CCNF: variants seen among roughly 807,000 people sequenced by gnomAD.
CCNF encodes the protein cyclin-F.
In CCNF, 30 loss-of-function variants were observed where a neutral mutation model predicts 85.4. The ratio of observed to expected loss-of-function variants is 0.35; its 90% CI spans 0.26 to 0.48. The LOEUF (loss-of-function observed/expected upper bound fraction) is 0.48, where lower values mean the gene tolerates loss of function less well. CCNF is among the 20% of genes least tolerant of loss of function. CCNF has a pLI of 0.99. For synonymous variants in CCNF, 439 were observed against 425.1 expected (o/e 1.03, Z -0.40); for missense variants, 919 against 1,010.4 (o/e 0.91, Z 1.23).
chr16:2,449,807 CT>C lies in CCNF; in HGVS notation c.1400-20del, dbSNP rs2065384249. On this transcript the variant is annotated intron_variant, in intron 12 of 16. Coordinates refer to ENST00000397066, the MANE Select transcript of CCNF (RefSeq NM_001761.3). The stretch of plus-strand genomic sequence containing the variant: ...TCCGTCCCCTCCATCCCCTCCACCC[CT>C]GGCCTGCTTTCCTCCCCAGCACAGC... 1 of 1,562,386 alleles carries C rather than the reference CT, an allele frequency of 6.4e-7. No individual in the cohort carries two copies. The highest frequency in any genetic ancestry group is 8.8e-7 in the Non-Finnish European group (1 of 1,133,804).
intron 2 of CCNF, among the ~76,000 whole-genome samples, chr16:2,431,667 G>A (rs544808102): frequency 4.6e-4 from 55 of 120,496 alleles, no homozygotes; most frequent in Middle Eastern, 4.7e-3. Context: ...GCGACAGAGC[G>A]AGACTCTGTC....
intron 3 of CCNF, 110 bp from the exon 4 acceptor site, chr16:2,435,695 AT>A (rs2065287245): frequency 2.5e-6 from 1 of 402,786 alleles, no homozygotes; most frequent in Non-Finnish European, 4.6e-6. Context: ...ATATATATAT[AT>A]ATATATATTC....
In CCNF at chr16:2,449,529, G is replaced by A. The variant is rs1009461946; in HGVS notation, c.1399+67G>A. 1.6e-5 allele frequency: 23 copies of A among 1,480,686 alleles called. No individual in the cohort carries two copies. In the Admixed American group the frequency reaches 4.4e-4, roughly 28 times the overall value. 91.7% of individuals were successfully genotyped at this position (1,480,686 alleles called of 1,614,324 possible). ...GTGCTGACATAGGAGGAGGCTGTGG[G>A]GAGGAAAAGAGTCCAGCATCCATTT... On this transcript the variant is annotated intron_variant, in intron 12 of 16. Coordinates refer to ENST00000397066, the MANE Select transcript of CCNF (RefSeq NM_001761.3).
intron 10 of CCNF, among the ~76,000 whole-genome samples, chr16:2,448,620 C>A (rs1354359764): frequency 6.6e-6 from 1 of 152,084 alleles, no homozygotes; most frequent in Non-Finnish European, 1.5e-5. Flanking sequence ...TGCTTTGTTG[C>A]CCAGGGTGGT....
chr16:2,437,903 T>A (rs1383819669), intron 5 of CCNF, 167 bp from the exon 6 acceptor site: 635 of 409,618 alleles, frequency 1.6e-3, no homozygotes, highest in East Asian at 1.7e-3. Flanking sequence ...TGTTTCCCTT[T>A]AAAAAAAAAA....
At chr16:2,434,890 G>T (rs2065280035) in intron 3 of CCNF, among the ~76,000 whole-genome samples, 1 of 152,182 alleles carries the variant, frequency 6.6e-6, no homozygotes, top group East Asian at 1.9e-4. Context: ...TTCTTTCACG[G>T]ACCCTGATGT....
chr16:2,447,878 G>T (rs2065370733), intron 10 of CCNF, among the ~76,000 whole-genome samples: 1 of 152,104 alleles, frequency 6.6e-6, no homozygotes, highest in Non-Finnish European at 1.5e-5. Context: ...TGTCTTTTTG[G>T]CGTCTGCAGC....
rs750205581 is a variant in CCNF, at chr16:2,451,177, CAG to C, written c.1487+1267_1487+1268del. 2.0e-5 allele frequency among the ~76,000 whole-genome samples: 3 copies of C among 152,326 alleles called. No individual in the cohort carries two copies. Among genetic ancestry groups the C allele is most frequent in the South Asian group, 2.1e-4 (1 of 4,830 alleles). ...CCAGGCGCTGGGGGAGAGGGCAGGA[CAG>C]AGAGTTCAGAGGTCAGGTCGTGACG... is the stretch of plus-strand genomic sequence containing the variant. On this transcript the variant is annotated intron_variant, in intron 13 of 16. Transcript: ENST00000397066. This position sits in a 1 kb window ranked among gnomAD's most constrained non-coding sequence, Gnocchi z 4.3.
chr16:2,455,829 G>A (rs1043588153), intron 16 of CCNF, among the ~76,000 whole-genome samples: 1 of 152,204 alleles, frequency 6.6e-6, no homozygotes, highest in Non-Finnish European at 1.5e-5. Flanking sequence ...CTCATTCCGT[G>A]TTGGGAGGAC....
At chr16:2,449,042 G>GCGCC in intron 11 of CCNF, 64 bp downstream of exon 11, 3 of 683,594 alleles carry the variant, frequency 4.4e-6, no homozygotes, top group Non-Finnish European at 8.2e-6. Context: ...GTGGGGGTGG[G>GCGCC]CATTCAGCTT....
Position 2,456,043 on chromosome 16 carries a change from C to T in CCNF, c.1885+479C>T, listed in dbSNP as rs1449888487. 6.6e-6 allele frequency among the ~76,000 whole-genome samples: 1 copy of T among 152,170 alleles called. No individual in the cohort carries two copies. The highest frequency in any genetic ancestry group is 2.4e-5 in the African/African-American group (1 of 41,440). On this transcript the variant is annotated intron_variant, in intron 16 of 16. Coordinates refer to ENST00000397066, the MANE Select transcript of CCNF (RefSeq NM_001761.3). The surrounding 1 kb of genome is among the most constrained non-coding windows in gnomAD (Gnocchi z 4.5). Reference sequence around the variant, plus strand: ...GGGCATCGTGGCGTGCGCCTGTGGTCCCAGCTACTCAGGAGGCTGAGGTGG... The same window carrying T: ...GGGCATCGTGGCGTGCGCCTGTGGTTCCAGCTACTCAGGAGGCTGAGGTGG...
chr16:2,455,299 G>C, intron 15 of CCNF, 96 bp from the exon 16 acceptor site: 7 of 1,422,810 alleles, frequency 4.9e-6, no homozygotes, highest in Admixed American at 2.6e-5. Flanking sequence ...GTGGTGACAG[G>C]CTGGGGCACG....
chr16:2,443,527 GT>G, intron 8 of CCNF, 121 bp from the exon 9 acceptor site: 1 of 869,368 alleles, frequency 1.2e-6, no homozygotes, highest in South Asian at 1.7e-5. Context: ...GCTTGTGAAG[GT>G]TTAAGTTAAG....
At chr16:2,449,143 C>T (rs1351957217) in intron 11 of CCNF, 139 bp from the exon 12 acceptor site, 5 of 1,411,046 alleles carry the variant, frequency 3.5e-6, no homozygotes, top group South Asian at 2.3e-5. Flanking sequence ...TGCACCACGT[C>T]GCCATCTGCG....
intron 5 of CCNF, 115 bp from the exon 6 acceptor site, chr16:2,437,955 A>AG: frequency 1.6e-6 from 1 of 627,482 alleles, no homozygotes; most frequent in Admixed American, 2.0e-5. Context: ...TCTGCAGGGG[A>AG]GGGAGGGCCA....
At chr16:2,440,588 C>G (rs2065315933) in intron 8 of CCNF, among the ~76,000 whole-genome samples, 1 of 152,070 alleles carries the variant, frequency 6.6e-6, no homozygotes, top group Non-Finnish European at 1.5e-5. Context: ...GAGCAAGACT[C>G]TGTCTGAAGG....
chr16:2,450,227 T>C (rs2065386825), intron 13 of CCNF, among the ~76,000 whole-genome samples: 1 of 142,920 alleles, frequency 7.0e-6, no homozygotes, highest in South Asian at 2.2e-4. Flanking sequence ...TGGCCAGGCA[T>C]GGTGGCTCAC....
At chr16:2,435,199 C>G (rs1426411073) in intron 3 of CCNF, among the ~76,000 whole-genome samples, 1 of 144,484 alleles carries the variant, frequency 6.9e-6, no homozygotes, top group Admixed American at 7.3e-5. Context: ...TGTAGTGAGC[C>G]GAGATTGCGC....
intron 2 of CCNF, among the ~76,000 whole-genome samples, chr16:2,431,585 C>T (rs950212374): frequency 1.4e-4 from 21 of 145,650 alleles, no homozygotes; most frequent in Non-Finnish European, 2.1e-4. Flanking sequence ...GAGGCTGAGG[C>T]GGGAAAATTG....
Sources: allele counts gnomAD v4.1 joint callset (sites outside exome capture counted in the v4.1 genomes callset), GRCh38; gene constraint gnomAD v4.1.1; non-coding constraint Gnocchi (gnomAD v3.1); transcripts MANE v1.5; gene names NCBI Gene and HGNC (gene_info 2026-07-23, HGNC 2026-07-21).